Variants in GRSF1 observed in about 807,000 individuals in gnomAD.
The protein encoded by GRSF1 is G-rich sequence factor 1.
GRSF1 carries 50 observed loss-of-function variants against 51.1 expected under a neutral mutation model. The observed-to-expected ratio is 0.98, with a 90% CI of 0.78 to 1.24. The LOEUF is 1.24. GRSF1 is among the 50% of genes most tolerant of loss of function. The probability of loss-of-function intolerance (pLI) is 0.00; values close to 1 mark genes in which losing one functional copy is unlikely to be tolerated. For synonymous variants in GRSF1, 293 were observed against 253.3 expected, an observed-to-expected ratio of 1.16 and a Z score of -1.49; for missense variants, 700 against 639.7, an observed-to-expected ratio of 1.09 and a Z score of -1.02.
In GRSF1 at chr4:70,839,501, C is replaced by CGCCGCCGCCAGCGACTGCGGCA; in HGVS notation, c.305_326dup (p.Pro113AlafsTer29). The stretch of plus-strand genomic sequence containing the variant: ...TGTAGCTGCGCGTCGGGACGGCGGC[C>CGCCGCCGCCAGCGACTGCGGCA]GCCGCCGCCAGCGACTGCGGCAGCA... On this transcript the variant is annotated frameshift_variant, in exon 1 of 10. Coordinates refer to ENST00000254799, the MANE Select transcript of GRSF1 (RefSeq NM_002092.4). LOFTEE classifies it high-confidence loss of function. The CGCCGCCGCCAGCGACTGCGGCA allele has an allele frequency of 7.0e-7, 1 of 1,421,142 alleles. No individual in the cohort carries two copies. The highest frequency in any genetic ancestry group is 9.1e-7 in the Non-Finnish European group (1 of 1,095,702). 88.0% of individuals were successfully genotyped at this position (1,421,142 alleles called of 1,614,324 possible).
intron 8 of GRSF1, 95 bp from the exon 9 acceptor site, chr4:70,824,463 T>G: frequency 1.5e-6 from 1 of 688,266 alleles, no homozygotes; most frequent in Non-Finnish European, 2.6e-6. Flanking sequence ...ACTCAAACCC[T>G]TTGCCCTTTC....
rs11418022 is a variant in GRSF1 at position 70,827,287 on chromosome 4, C to CAA, written c.1135+563_1135+564dup. On this transcript the variant is annotated intron_variant, in intron 6 of 9. Coordinates refer to ENST00000254799, the MANE Select transcript of GRSF1 (RefSeq NM_002092.4). ...TGGGCAACAGAGTGAAACTCTGTCTCAAAAAAAAAAAAATCCTTACTTCAG... is the reference window on the plus strand; with the variant it reads ...TGGGCAACAGAGTGAAACTCTGTCTCAAAAAAAAAAAAAAATCCTTACTTCAG... Among the ~76,000 whole-genome samples the CAA allele has an allele frequency of 8.0e-3, 1,172 of 146,674 alleles. 5 individuals carry two copies. The highest frequency in any genetic ancestry group is 0.013 in the East Asian group (67 of 4,978).
rs1253409327 is a variant in GRSF1 at position 70,816,013 on chromosome 4, A to G, written c.*4874T>C. 1.3e-5 allele frequency: 2 copies of G among 152,348 alleles called. No individual in the cohort carries two copies. The highest frequency in any genetic ancestry group is 3.9e-4 in the East Asian group (2 of 5,188). The allele number at this position is 152,348 out of a possible 1,614,324, so 9.4% of individuals were successfully genotyped here. ...ACTGCATAAGTGAGTCCGTTATATG[A>G]AGTTCTAGAATAGGCAAAATTAATC... On this transcript the variant is annotated 3_prime_UTR_variant, in exon 10 of 10. Transcript: ENST00000254799.
At chr4:70,823,699 A>T (rs1055094578) in intron 9 of GRSF1, among the ~76,000 whole-genome samples, 1 of 151,842 alleles carries the variant, frequency 6.6e-6, no homozygotes, top group Non-Finnish European at 1.5e-5. Context: ...GTGAGACCCC[A>T]TCTCTACAAA....
At position 70,836,166 on chromosome 4, in the gene GRSF1, A is replaced by C; in HGVS notation, c.506T>G (p.Phe169Cys). The C allele has an allele frequency of 6.5e-7, 1 of 1,531,082 alleles. No homozygotes were observed. Among genetic ancestry groups the C allele is most frequent in the Non-Finnish European group, 8.7e-7 (1 of 1,144,682 alleles). The allele number at this position is 1,531,082 out of a possible 1,614,324, so 94.8% of individuals were successfully genotyped here. The change falls in exon 2 of 10, where the codon TTT becomes TGT. Residue 169 changes from phenylalanine to cysteine, a missense_variant. Phe to Cys is a radical substitution (Grantham distance 205). Coordinates refer to ENST00000254799, the MANE Select transcript of GRSF1 (RefSeq NM_002092.4). ...ACATACATAAAATATACCTGAAAAA[A>C]AGTTAAGCACATCTTCCATAGTGCA... ...WSCTMEDVLN[F>C]FSDCRIRNGE...
chr4:70,816,424 CAA>C lies in GRSF1; in HGVS notation c.*4461_*4462del, dbSNP rs943807565. 1 of 151,466 alleles carries C rather than the reference CAA, an allele frequency of 6.6e-6. No homozygotes were observed. The highest frequency in any genetic ancestry group is 6.6e-5 in the Admixed American group (1 of 15,190). 9.4% of individuals were successfully genotyped at this position (151,466 alleles called of 1,614,324 possible). ...TATTCACCTTACTGCAAATCTCCCT[CAA>C]AAAAACTCCAATGACGGCTGGGTGT... On this transcript the variant is annotated 3_prime_UTR_variant, in exon 10 of 10. Coordinates refer to ENST00000254799, the MANE Select transcript of GRSF1 (RefSeq NM_002092.4).
chr4:70,824,391 GT>G, intron 8 of GRSF1, 23 bp from the exon 9 acceptor site: 1 of 1,237,280 alleles, frequency 8.1e-7, no homozygotes, highest in Admixed American at 2.0e-5. Context: ...AGAAAGATTA[GT>G]TTTAAAAAGT....
Position 70,839,456 on chromosome 4 carries a change from A to C in GRSF1, c.357+15T>G. The C allele has an allele frequency of 6.9e-7, 1 of 1,458,736 alleles. No individual in the cohort carries two copies. The highest frequency in any genetic ancestry group is 1.3e-5 in the South Asian group (1 of 75,818). The allele number at this position is 1,458,736 out of a possible 1,614,324, so 90.4% of individuals were successfully genotyped here. ...GGAGGGATCTCGCGCCAGGTCCCTC[A>C]CGGCGCCCACGTACCTGGCTGTAGC... On this transcript the variant is annotated intron_variant, in intron 1 of 9. Coordinates refer to ENST00000254799, the MANE Select transcript of GRSF1 (RefSeq NM_002092.4).
In GRSF1 at chr4:70,817,483, C is replaced by T. The variant is rs929063478; in HGVS notation, c.*3404G>A. Reference sequence around the variant, plus strand: ...AGAACTAAAATTCTGGACAGAAAATCCAGACACCTCACCAATGATGATATA... The same window carrying T: ...AGAACTAAAATTCTGGACAGAAAATTCAGACACCTCACCAATGATGATATA... On this transcript the variant is annotated 3_prime_UTR_variant, in exon 10 of 10. Coordinates refer to ENST00000254799, the MANE Select transcript of GRSF1 (RefSeq NM_002092.4). 3 of 152,160 alleles carry T rather than the reference C, an allele frequency of 2.0e-5. No individual in the cohort carries two copies. The highest frequency in any genetic ancestry group is 6.5e-5 in the Admixed American group (1 of 15,270). The allele number at this position is 152,160 out of a possible 1,614,324, so 9.4% of individuals were successfully genotyped here.
At chr4:70,821,914 G>T (rs1733527473) in intron 9 of GRSF1, among the ~76,000 whole-genome samples, 1 of 152,062 alleles carries the variant, frequency 6.6e-6, no homozygotes, top group South Asian at 2.1e-4. Flanking sequence ...GACCTCAGGT[G>T]ATCTGCCTGC....
At chr4:70,836,461 C>T in intron 1 of GRSF1, 147 bp from the exon 2 acceptor site, 1 of 583,942 alleles carries the variant, frequency 1.7e-6, no homozygotes, top group Non-Finnish European at 2.9e-6. Context: ...GTAACCCATC[C>T]TGTTTTGGCT....
rs1198595464 is a variant in GRSF1 at position 70,839,718 on chromosome 4, C to T, written c.110G>A (p.Gly37Asp). 3.3e-6 allele frequency: 5 copies of T among 1,493,376 alleles called. No individual in the cohort carries two copies. The highest frequency in any genetic ancestry group is 4.4e-5 in the Admixed American group (2 of 45,756). The allele number at this position is 1,493,376 out of a possible 1,614,324, so 92.5% of individuals were successfully genotyped here. The change falls in exon 1 of 10, where the codon GGC becomes GAC. Residue 37 changes from glycine to aspartate, a missense_variant. Transcript: ENST00000254799. ...AACLPFYSAA[G>D]SIPSGVSGRR... Reference sequence around the variant, plus strand: ...GCCCGAGACGCCCGACGGGATAGAGCCAGCGGCGGAGTAGAAGGGCAGGCA... The same window carrying T: ...GCCCGAGACGCCCGACGGGATAGAGTCAGCGGCGGAGTAGAAGGGCAGGCA...
rs1395986170 is a variant in GRSF1, at chr4:70,839,192, G to T, written c.357+279C>A. On this transcript the variant is annotated intron_variant, in intron 1 of 9. Coordinates refer to ENST00000254799, the MANE Select transcript of GRSF1 (RefSeq NM_002092.4). ...CGAAACCTACCATGGGCCAGGCGGG[G>T]AACAAGGCCTCAACATTCACCCCAG... The T allele has an allele frequency of 2.1e-6, 3 of 1,395,512 alleles. No individual in the cohort carries two copies. In the Admixed American group the frequency reaches 6.4e-5, roughly 30 times the overall value. The allele number at this position is 1,395,512 out of a possible 1,614,324, so 86.4% of individuals were successfully genotyped here. A position where few individuals can be genotyped will look rare whatever the true frequency, so the allele number is the denominator to read the frequency against.
At chr4:70,821,225 G>A (rs1360318665) in intron 9 of GRSF1, among the ~76,000 whole-genome samples, 4 of 152,068 alleles carry the variant, frequency 2.6e-5, no homozygotes, top group Admixed American at 6.6e-5. Context: ...TCAGGAGTTC[G>A]AGACCAACCC....
rs1733647015 is a variant in GRSF1 at position 70,824,317 on chromosome 4, T to A, written c.*2A>T. 1 of 1,428,942 alleles carries A rather than the reference T, an allele frequency of 7.0e-7. No homozygotes were observed. Among genetic ancestry groups the A allele is most frequent in the Non-Finnish European group, 9.8e-7 (1 of 1,023,168 alleles). 88.5% of individuals were successfully genotyped at this position (1,428,942 alleles called of 1,614,324 possible). A position where few individuals can be genotyped will look rare whatever the true frequency, so the allele number is the denominator to read the frequency against. ...ACCTTATTATCTGGAGCCCCTAGAG[T>A]CTTATTTTCCTTTTGGACATGAATT... On this transcript the variant is annotated 3_prime_UTR_variant, in exon 9 of 10. Coordinates refer to ENST00000254799, the MANE Select transcript of GRSF1 (RefSeq NM_002092.4).
At chr4:70,825,195 A>C (rs1733686246) in intron 8 of GRSF1, 101 bp downstream of exon 8, 1 of 939,808 alleles carries the variant, frequency 1.1e-6, no homozygotes, top group African/African-American at 1.6e-5. Flanking sequence ...AAAGAATACA[A>C]ATTTCTCAAG....
At chr4:70,839,932 G>C (rs1460825502), upstream of GRSF1, 3 of 1,030,228 alleles carry the variant, frequency 2.9e-6, no homozygotes, top group African/African-American at 5.1e-5. Flanking sequence ...CCTGGCACAT[G>C]CGCCGCGGGC....
rs1164238065 is a variant in GRSF1, at chr4:70,817,715, A to C, written c.*3172T>G. 1 of 152,200 alleles carries C rather than the reference A, an allele frequency of 6.6e-6. No individual in the cohort carries two copies. Among genetic ancestry groups the C allele is most frequent in the African/African-American group, 2.4e-5 (1 of 41,434 alleles). The allele number at this position is 152,200 out of a possible 1,614,324, so 9.4% of individuals were successfully genotyped here. On this transcript the variant is annotated 3_prime_UTR_variant, in exon 10 of 10. Transcript: ENST00000254799. ...TGGAACAGTTTGGCAGTTTCTTCCAAAACTAAACATACTCTTAACTTACAA... is the reference window on the plus strand; with the variant it reads ...TGGAACAGTTTGGCAGTTTCTTCCACAACTAAACATACTCTTAACTTACAA...
rs1397154548 is a variant in GRSF1 at position 70,820,481 on chromosome 4, G to C, written c.*406C>G. On this transcript the variant is annotated 3_prime_UTR_variant, in exon 10 of 10. Transcript: ENST00000254799. The stretch of plus-strand genomic sequence containing the variant: ...TCACTCCATGAGAAGTTTTACATCA[G>C]AGCACTCAATTCACAGGCAAAAAAA... 6.6e-6 allele frequency: 1 copy of C among 152,006 alleles called. No homozygotes were observed. Among genetic ancestry groups the C allele is most frequent in the Non-Finnish European group, 1.5e-5 (1 of 67,972 alleles). 9.4% of individuals were successfully genotyped at this position (152,006 alleles called of 1,614,324 possible).
Sources: allele counts gnomAD v4.1 joint callset (sites outside exome capture counted in the v4.1 genomes callset), GRCh38; gene constraint gnomAD v4.1.1; transcripts MANE v1.5; gene names NCBI Gene and HGNC (gene_info 2026-07-23, HGNC 2026-07-21).